CCDC7: variants seen among roughly 807,000 people sequenced by gnomAD.
The protein encoded by CCDC7 is coiled-coil domain-containing protein 7.
A neutral mutation model predicts 196.9 loss-of-function variants in CCDC7; 183 were observed. That is an observed-to-expected ratio of 0.93 (90% confidence interval 0.82 to 1.05). The LOEUF is 1.05. CCDC7 is among the 50% of genes least tolerant of loss of function. The pLI, the probability that CCDC7 is intolerant of heterozygous loss-of-function variation, is 0.00. For synonymous variants in CCDC7, 525 were observed against 484.6 expected, an observed-to-expected ratio of 1.08 and a Z score of -1.10; for missense variants, 1,540 against 1,482.2, an observed-to-expected ratio of 1.04 and a Z score of -0.64.
chr10:32,594,560 G>T (rs1031832175), intron 18 of CCDC7, among the ~76,000 whole-genome samples: 3 of 152,082 alleles, frequency 2.0e-5, no homozygotes, highest in African/African-American at 4.8e-5. Context: ...TTGCCTGATT[G>T]CCCTGGCCAG....
intron 20 of CCDC7, among the ~76,000 whole-genome samples, chr10:32,652,108 A>G (rs889911039): frequency 2.6e-5 from 4 of 152,112 alleles, no homozygotes; most frequent in Non-Finnish European, 4.4e-5. Flanking sequence ...TTGTGTGTAC[A>G]TATATTTATA....
At chr10:32,817,016 C>A (rs1191250171) in intron 31 of CCDC7, among the ~76,000 whole-genome samples, 1 of 152,102 alleles carries the variant, frequency 6.6e-6, no homozygotes, top group Non-Finnish European at 1.5e-5. Flanking sequence ...GAGAAGAAGG[C>A]TTCAGATGAT....
At chr10:32,760,167 C>G (rs1483769906) in intron 28 of CCDC7, among the ~76,000 whole-genome samples, 2 of 151,432 alleles carry the variant, frequency 1.3e-5, no homozygotes, top group African/African-American at 4.8e-5. Context: ...CTAGTTCAAC[C>G]ATTGTGGAAG....
At chr10:32,627,459 T>C (rs558682208) in intron 18 of CCDC7, among the ~76,000 whole-genome samples, 55 of 152,008 alleles carry the variant, frequency 3.6e-4, no homozygotes, top group African/African-American at 1.1e-3. Flanking sequence ...TAGCAAACAA[T>C]GATAATTTTA....
At chr10:32,478,204 A>G (rs867443912) in intron 8 of CCDC7, among the ~76,000 whole-genome samples, 2 of 152,202 alleles carry the variant, frequency 1.3e-5, no homozygotes, top group Non-Finnish European at 2.9e-5. Flanking sequence ...TAAATTTGCA[A>G]TAATTGTTTA....
intron 11 of CCDC7, among the ~76,000 whole-genome samples, chr10:32,536,808 G>A (rs550122798): frequency 1.3e-5 from 2 of 152,220 alleles, no homozygotes; most frequent in Non-Finnish European, 2.9e-5. Flanking sequence ...CTCCATCTGT[G>A]TTGCTGCAGA....
At chr10:32,643,293 C>T (rs2067169522) in intron 20 of CCDC7, among the ~76,000 whole-genome samples, 1 of 152,112 alleles carries the variant, frequency 6.6e-6, no homozygotes, top group Non-Finnish European at 1.5e-5. Context: ...TGCCTTAAAT[C>T]CTATTGTGTC....
intron 41 of CCDC7, among the ~76,000 whole-genome samples, chr10:32,874,123 T>C (rs1245245389): frequency 6.7e-6 from 1 of 150,020 alleles, no homozygotes; most frequent in Non-Finnish European, 1.5e-5. Flanking sequence ...CATCCTATGC[T>C]GAAAGTCATA....
At chr10:32,631,127 G>A (rs2064803466) in intron 18 of CCDC7, among the ~76,000 whole-genome samples, 2 of 152,090 alleles carry the variant, frequency 1.3e-5, no homozygotes, top group South Asian at 4.1e-4. Context: ...TCTAGATGAT[G>A]GTGTCATTTG....
rs1590181003 is a variant in CCDC7 at position 32,585,006 on chromosome 10, T to G, written c.1801+702T>G. Reference sequence around the variant, plus strand: ...GATATACGGTTAAAAGCAAAGATATTTTTTTCTTCCTTTCCAACATGTATC... The same window carrying G: ...GATATACGGTTAAAAGCAAAGATATGTTTTTCTTCCTTTCCAACATGTATC... On this transcript the variant is annotated intron_variant, in intron 18 of 41. Coordinates refer to ENST00000639629, the Ensembl canonical transcript of CCDC7. Among the ~76,000 whole-genome samples the G allele has an allele frequency of 2.0e-5, 3 of 152,250 alleles. No individual in the cohort carries two copies. In the South Asian group the frequency reaches 6.2e-4, roughly 32 times the overall value.
At chr10:32,761,681 T>C (rs1462828439) in intron 28 of CCDC7, among the ~76,000 whole-genome samples, 1 of 152,024 alleles carries the variant, frequency 6.6e-6, no homozygotes, top group Non-Finnish European at 1.5e-5. Context: ...AGTCTCATCC[T>C]GTGAGTGGCT....
chr10:32,624,404 T>C (rs1287787447), intron 18 of CCDC7, among the ~76,000 whole-genome samples: 3 of 152,202 alleles, frequency 2.0e-5, no homozygotes, highest in Admixed American at 6.5e-5. Context: ...TCAACAGTTC[T>C]ACCAAATGGC....
At chr10:32,504,663 T>C (rs2044606060) in intron 9 of CCDC7, among the ~76,000 whole-genome samples, 1 of 152,242 alleles carries the variant, frequency 6.6e-6, no homozygotes, top group African/African-American at 2.4e-5. Flanking sequence ...CTTTTTTGAC[T>C]CATCATTTGT....
At chr10:32,635,293 A>G (rs982095610) in intron 20 of CCDC7, 135 bp downstream of exon 21, 4 of 378,424 alleles carry the variant, frequency 1.1e-5, no homozygotes, top group South Asian at 1.5e-4. Context: ...TGGTGTCTCT[A>G]TAATTACTGA....
At chr10:32,534,675 A>C (rs1287755454) in intron 11 of CCDC7, among the ~76,000 whole-genome samples, 1 of 151,984 alleles carries the variant, frequency 6.6e-6, no homozygotes, top group Non-Finnish European at 1.5e-5. Flanking sequence ...GGAGGTCCCA[A>C]AAGGTTTATC....
intron 20 of CCDC7, 31 bp from the exon 22 acceptor site, chr10:32,664,023 T>C: frequency 2.5e-6 from 1 of 394,678 alleles, no homozygotes; most frequent in East Asian, 3.6e-5. Flanking sequence ...ATAGTTTATG[T>C]TTAGTGCACT....
chr10:32,566,967 A>G (rs182512384), intron 14 of CCDC7, among the ~76,000 whole-genome samples: 2 of 131,930 alleles, frequency 1.5e-5, no homozygotes, highest in African/African-American at 2.9e-5. Flanking sequence ...GGTTTTTTAT[A>G]TATAAATATA....
chr10:32,582,858 A>G (rs532010173), intron 16 of CCDC7, among the ~76,000 whole-genome samples, 176 bp from the exon 18 acceptor site: 2 of 152,276 alleles, frequency 1.3e-5, no homozygotes, highest in Admixed American at 1.3e-4. Flanking sequence ...ATCACAGGAC[A>G]TATGTTACTA....
chr10:32,829,944 A>C (rs1194476709), intron 32 of CCDC7, among the ~76,000 whole-genome samples: 2 of 150,920 alleles, frequency 1.3e-5, no homozygotes, highest in Admixed American at 6.6e-5. Context: ...CTACATCTTT[A>C]TCCTGTGCTG....
Sources: allele counts gnomAD v4.1 joint callset (sites outside exome capture counted in the v4.1 genomes callset), GRCh38; gene constraint gnomAD v4.1.1; transcripts MANE v1.5; gene names NCBI Gene and HGNC (gene_info 2026-07-23, HGNC 2026-07-21).